The following GATAD2B variants were observed in gnomAD, a reference collection of about 807,000 sequenced individuals.
GATAD2B encodes the protein GATA zinc finger domain containing 2B.
In GATAD2B, 8 loss-of-function variants were observed where a neutral mutation model predicts 64.3. The ratio of observed to expected loss-of-function variants is 0.12; its 90% CI spans 0.07 to 0.22. GATAD2B has a LOEUF of 0.22. Among genes scored for constraint, GATAD2B ranks in the 10% least tolerant of loss-of-function variants. GATAD2B has a pLI of 1.00. For synonymous variants in GATAD2B, 281 were observed against 271.3 expected (o/e 1.04, Z -0.35); for missense variants, 453 against 752.0 (o/e 0.60, Z 4.65).
At chr1:153,841,555 T>C (rs554983939) in intron 1 of GATAD2B, among the ~76,000 whole-genome samples, 1 of 152,366 alleles carries the variant, frequency 6.6e-6, no homozygotes, top group South Asian at 2.1e-4. Context: ...ATAGAGTATG[T>C]AACTTTTAGG....
At chr1:153,835,472 C>CA (rs111567499) in intron 1 of GATAD2B, among the ~76,000 whole-genome samples, 4,002 of 133,320 alleles carry the variant, frequency 0.03, 162 homozygotes, top group African/African-American at 0.095. Flanking sequence ...CCTGTAATCT[C>CA]AAAAAAAAAA....
intron 1 of GATAD2B, among the ~76,000 whole-genome samples, chr1:153,907,085 G>C (rs1356686844): frequency 1.3e-5 from 2 of 152,176 alleles, no homozygotes; most frequent in Non-Finnish European, 2.9e-5. Flanking sequence ...GTGGAAAACT[G>C]TAACAATTAC....
chr1:153,829,837 C>T (rs185793434), intron 1 of GATAD2B, among the ~76,000 whole-genome samples: 1 of 152,092 alleles, frequency 6.6e-6, no homozygotes, highest in East Asian at 1.9e-4. Context: ...CAGTGGCTCA[C>T]GCTTGTAATC....
intron 7 of GATAD2B, among the ~76,000 whole-genome samples, chr1:153,815,296 A>AAC (rs1030888541): frequency 1.3e-5 from 2 of 148,266 alleles, no homozygotes; most frequent in African/African-American, 2.5e-5. Flanking sequence ...AAAAAAACAA[A>AAC]AAAAAAAAAA....
intron 9 of GATAD2B, 33 bp from the exon 10 acceptor site, chr1:153,811,881 T>C (rs779594037): frequency 1.4e-6 from 2 of 1,448,182 alleles, no homozygotes; most frequent in South Asian, 2.3e-5. Context: ...GATACAACTT[T>C]GATATGATAG....
At position 153,813,561 on chromosome 1, in the gene GATAD2B, ACTTT is replaced by A; in HGVS notation, c.1217-113_1217-110del. 6.8e-6 allele frequency: 5 copies of A among 733,216 alleles called. No individual in the cohort carries two copies. The Admixed American group carries it at 8.2e-5, about 12-fold the overall frequency. The allele number at this position is 733,216 out of a possible 1,614,324, so 45.4% of individuals were successfully genotyped here. A position where few individuals can be genotyped will look rare whatever the true frequency, so the allele number is the denominator to read the frequency against. On this transcript the variant is annotated intron_variant, in intron 7 of 10. Transcript: ENST00000368655. ...TTATTCTGTTGAATTAAAGAAAGAG[ACTTT>A]ACAAAAAGGATATTCTATAATTTAC...
At chr1:153,851,514 T>C (rs1366432231) in intron 1 of GATAD2B, among the ~76,000 whole-genome samples, 1 of 152,206 alleles carries the variant, frequency 6.6e-6, no homozygotes, top group Non-Finnish European at 1.5e-5. Context: ...GGTTTTGATG[T>C]GTACTTCTCT....
chr1:153,842,278 T>C (rs1675523908), intron 1 of GATAD2B, among the ~76,000 whole-genome samples: 1 of 152,226 alleles, frequency 6.6e-6, no homozygotes, highest in African/African-American at 2.4e-5. Context: ...TCTGTGAAAC[T>C]TCTGTTCATG....
chr1:153,863,120 T>G (rs1676367792), intron 1 of GATAD2B, among the ~76,000 whole-genome samples: 1 of 152,108 alleles, frequency 6.6e-6, no homozygotes, highest in Non-Finnish European at 1.5e-5. Context: ...GAATCTGCAT[T>G]TTTACTACTC....
chr1:153,897,504 GCTAA>G (rs1257915594), intron 1 of GATAD2B, among the ~76,000 whole-genome samples: 2 of 152,190 alleles, frequency 1.3e-5, no homozygotes, highest in African/African-American at 2.4e-5. Flanking sequence ...GACTTTTGGT[GCTAA>G]CTATCTCAGA....
At chr1:153,839,140 T>TAAAAAAAAAAAAA (rs1675384893) in intron 1 of GATAD2B, among the ~76,000 whole-genome samples, 1 of 119,512 alleles carries the variant, frequency 8.4e-6, no homozygotes, top group African/African-American at 3.4e-5. Flanking sequence ...AAAAAGAAAG[T>TAAAAAAAAAAAAA]TTAAGGAAGA....
chr1:153,868,033 T>C (rs1472315494), intron 1 of GATAD2B, among the ~76,000 whole-genome samples: 1 of 151,850 alleles, frequency 6.6e-6, no homozygotes, highest in Non-Finnish European at 1.5e-5. Context: ...ACCCCGTCTT[T>C]ACTTAAAAAG....
chr1:153,900,726 T>C (rs1008455360), intron 1 of GATAD2B, among the ~76,000 whole-genome samples: 3 of 152,152 alleles, frequency 2.0e-5, no homozygotes, highest in Admixed American at 6.6e-5. Flanking sequence ...TTTTAGGTTT[T>C]GGAGGCCTTA....
At chr1:153,906,947 C>T (rs751640158) in intron 1 of GATAD2B, among the ~76,000 whole-genome samples, 67 of 152,154 alleles carry the variant, frequency 4.4e-4, no homozygotes, top group Non-Finnish European at 4.7e-4. Flanking sequence ...AATGAGACAG[C>T]ACCTCACATC....
chr1:153,903,507 C>G (rs547993469), intron 1 of GATAD2B, among the ~76,000 whole-genome samples: 2 of 152,164 alleles, frequency 1.3e-5, no homozygotes, highest in East Asian at 3.9e-4. Flanking sequence ...AGTTTAAATA[C>G]TTTAAAGTAC....
intron 1 of GATAD2B, among the ~76,000 whole-genome samples, chr1:153,859,970 T>A (rs1676225263): frequency 7.8e-6 from 1 of 128,682 alleles, no homozygotes; most frequent in South Asian, 2.6e-4. Flanking sequence ...CAGACTGGAG[T>A]GCACTGGCGC....
At chr1:153,900,174 T>G (rs1015026835) in intron 1 of GATAD2B, among the ~76,000 whole-genome samples, 1 of 152,132 alleles carries the variant, frequency 6.6e-6, no homozygotes, top group African/African-American at 2.4e-5. Flanking sequence ...TCCCAGCACT[T>G]TGGGAGGCCG....
At chr1:153,826,278 CAA>C (rs1170363519) in intron 2 of GATAD2B, among the ~76,000 whole-genome samples, 1 of 152,084 alleles carries the variant, frequency 6.6e-6, no homozygotes, top group Non-Finnish European at 1.5e-5. Flanking sequence ...CTCGGCCTCT[CAA>C]AGTGCTGGGA....
chr1:153,861,565 C>T (rs1448903836), intron 1 of GATAD2B, among the ~76,000 whole-genome samples: 1 of 149,348 alleles, frequency 6.7e-6, no homozygotes, highest in East Asian at 2.0e-4. Flanking sequence ...GGGAGGATCA[C>T]GAGGTTAGGA....
Sources: allele counts gnomAD v4.1 joint callset (sites outside exome capture counted in the v4.1 genomes callset), GRCh38; gene constraint gnomAD v4.1.1; transcripts MANE v1.5; gene names NCBI Gene and HGNC (gene_info 2026-07-23, HGNC 2026-07-21).